PISD: variants seen among roughly 807,000 people sequenced by gnomAD.
PISD encodes the protein phosphatidylserine decarboxylase proenzyme, mitochondrial.
In PISD, 31 loss-of-function variants were observed where a neutral mutation model predicts 43.5. That is an observed-to-expected ratio of 0.71 (90% CI 0.54 to 0.96). The LOEUF (loss-of-function observed/expected upper bound fraction) is 0.96, where lower values mean the gene tolerates loss of function less well. Among genes scored for constraint, PISD ranks in the 40% least tolerant of loss-of-function variants. The probability of loss-of-function intolerance (pLI) is 0.00; values close to 1 mark genes in which losing one functional copy is unlikely to be tolerated. For synonymous variants in PISD, 259 were observed against 228.7 expected (o/e 1.13, Z -1.20); for missense variants, 523 against 548.4 (o/e 0.95, Z 0.46).
chr22:31,627,288 C>A (rs572646092), intron 3 of PISD, among the ~76,000 whole-genome samples: 1 of 152,370 alleles, frequency 6.6e-6, no homozygotes, highest in East Asian at 1.9e-4. Flanking sequence ...CACCAGCAAA[C>A]AGATACACAC....
At position 31,618,555 on chromosome 22, in the gene PISD, TC is replaced by T; in HGVS notation, c.*1056del. The T allele has an allele frequency of 1.1e-6, 1 of 871,802 alleles. No homozygotes were observed. Among genetic ancestry groups the T allele is most frequent in the African/African-American group, 1.7e-5 (1 of 58,322 alleles). The allele number at this position is 871,802 out of a possible 1,614,324, so 54.0% of individuals were successfully genotyped here. A position where few individuals can be genotyped will look rare whatever the true frequency, so the allele number is the denominator to read the frequency against. ...TTAAATGAATTACTGTTCAGAAGTCTCCCACTTTTCATACAAAAATACTGTG... is the reference window on the plus strand; with the variant it reads ...TTAAATGAATTACTGTTCAGAAGTCTCCACTTTTCATACAAAAATACTGTG... On this transcript the variant is annotated 3_prime_UTR_variant, in exon 8 of 8. Coordinates refer to ENST00000439502, the MANE Select transcript of PISD (RefSeq NM_001326411.2).
rs1408485617 is a variant in PISD at position 31,620,319 on chromosome 22, TTCCC to T, written c.1005+230_1005+233del. Among the ~76,000 whole-genome samples the T allele has an allele frequency of 7.9e-5, 12 of 152,344 alleles. No homozygotes were observed. In the East Asian group the frequency reaches 2.1e-3, roughly 27 times the overall value. ...GCCAGGTGCCAGGCAAGGAGGTTAA[TTCCC>T]TCCATCTCTTCCAGCCACTTCCAGC... On this transcript the variant is annotated intron_variant, in intron 7 of 7. Transcript: ENST00000439502.
intron 1 of PISD, among the ~76,000 whole-genome samples, chr22:31,656,397 T>A (rs1252658023): frequency 6.6e-6 from 1 of 150,956 alleles, no homozygotes; most frequent in Non-Finnish European, 1.5e-5. Context: ...CTATGAGAAC[T>A]CCCAGCACGT....
At position 31,619,371 on chromosome 22, in the gene PISD, G is replaced by A. The variant is rs1167690833; in HGVS notation, c.*241C>T. The A allele has an allele frequency of 3.3e-6, 2 of 598,392 alleles. No individual in the cohort carries two copies. The highest frequency in any genetic ancestry group is 1.6e-5 in the South Asian group (1 of 63,156). The allele number at this position is 598,392 out of a possible 1,614,324, so 37.1% of individuals were successfully genotyped here. On this transcript the variant is annotated 3_prime_UTR_variant, in exon 8 of 8. Coordinates refer to ENST00000439502, the MANE Select transcript of PISD (RefSeq NM_001326411.2). ...AATGTGACTGAGATCATTCCAGCCTGCACTTTTTATTTGTAGGCAGAAGGA... is the reference window on the plus strand; with the variant it reads ...AATGTGACTGAGATCATTCCAGCCTACACTTTTTATTTGTAGGCAGAAGGA...
At chr22:31,623,628 A>G in intron 3 of PISD, 1 of 1,532,024 alleles carries the variant, frequency 6.5e-7, no homozygotes, top group Non-Finnish European at 8.8e-7. Flanking sequence ...CCTGCACCCC[A>G]ACCTCAGGCC....
At chr22:31,661,071 A>G (rs1226982102) in intron 1 of PISD, among the ~76,000 whole-genome samples, 1 of 152,128 alleles carries the variant, frequency 6.6e-6, no homozygotes, top group Admixed American at 6.6e-5. Context: ...GTTGACTCAT[A>G]CACAGCACGC....
Position 31,621,684 on chromosome 22 carries a change from G to T in PISD, c.523C>A (p.Pro175Thr), listed in dbSNP as rs143716966. The change falls in exon 4 of 8, where the codon CCG becomes ACG. Residue 175 changes from proline to threonine, a missense_variant. Physicochemically the swap from Pro to Thr is conservative, Grantham distance 38 (BLOSUM62 -1). Transcript: ENST00000439502. The part of the protein sequence containing the change: ...LSEFFRRKLK[P>T]QARPVCGLHS... ...AGGCCACAGACAGGCCGGGCCTGCG[G>T]CTTCAGCTTGCGCCGGAAGAACTCG... is the stretch of plus-strand genomic sequence containing the variant. 1.4e-4 allele frequency: 231 copies of T among 1,613,664 alleles called. No homozygotes were observed. The highest frequency in any genetic ancestry group is 1.8e-4 in the Non-Finnish European group (216 of 1,179,932).
In PISD at chr22:31,621,410, C is replaced by T. The variant is rs770424911; in HGVS notation, c.621G>A (p.Gln207=). 1.2e-6 allele frequency: 2 copies of T among 1,614,180 alleles called. No homozygotes were observed. Among genetic ancestry groups the T allele is most frequent in the South Asian group, 1.1e-5 (1 of 91,090 alleles). The part of the protein sequence containing the change: ...FGQVKNCEVE[Q]VKGVTYSLES... ...CCAGGGAGTAGGTGACCCCCTTTAC[C>T]TGCTCCACCTCACAGTTCTTCACCT... is the stretch of plus-strand genomic sequence containing the variant. Residue 207 remains glutamine, a synonymous_variant, in exon 5 of 8, where the codon CAG becomes CAA. Transcript: ENST00000439502.
At chr22:31,650,563 C>A in intron 2 of PISD, 136 bp downstream of exon 2, 2 of 499,978 alleles carry the variant, frequency 4.0e-6, no homozygotes, top group Non-Finnish European at 3.6e-6. Context: ...CCTAACGCTT[C>A]AGTGATAACT....
At chr22:31,629,249 G>A (rs2073071340) in intron 3 of PISD, 1 of 984,686 alleles carries the variant, frequency 1.0e-6, no homozygotes, top group Admixed American at 6.2e-5. Context: ...GTAGGTGCAT[G>A]TAGGTGGAAG....
At position 31,621,419 on chromosome 22, in the gene PISD, C is replaced by G. The variant is rs1210656200; in HGVS notation, c.612G>C (p.Glu204Asp). The change falls in exon 5 of 8, where the codon GAG becomes GAC. Residue 204 changes from glutamate to aspartate, a missense_variant. By Grantham distance (45) the Glu-to-Asp change is conservative (BLOSUM62 2). Coordinates refer to ENST00000439502, the MANE Select transcript of PISD (RefSeq NM_001326411.2). Reference sequence around the variant, plus strand: ...AGGTGACCCCCTTTACCTGCTCCACCTCACAGTTCTTCACCTGCCCAAAGT... The same window carrying G: ...AGGTGACCCCCTTTACCTGCTCCACGTCACAGTTCTTCACCTGCCCAAAGT... Reference protein sequence around the residue: ...ILNFGQVKNCEVEQVKGVTYS... With the variant: ...ILNFGQVKNCDVEQVKGVTYS... 6.2e-7 allele frequency: 1 copy of G among 1,614,038 alleles called. No homozygotes were observed. The highest frequency in any genetic ancestry group is 1.1e-5 in the South Asian group (1 of 91,088).
chr22:31,621,468 C>G lies in PISD; in HGVS notation c.563G>C (p.Ser188Thr). 1 of 1,614,142 alleles carries G rather than the reference C, an allele frequency of 6.2e-7. No individual in the cohort carries two copies. Among genetic ancestry groups the G allele is most frequent in the Non-Finnish European group, 8.5e-7 (1 of 1,180,026 alleles). ...RPVCGLHSVI[S>T]PSDGRILNFG... ...GTTGAGGATCCTTCCATCCGATGGG[C>G]TAATCTGGAAGGGCAGGAGAGGCTT... Residue 188 changes from serine to threonine, a missense_variant, in exon 5 of 8, where the codon AGC becomes ACC. Transcript: ENST00000439502.
intron 7 of PISD, among the ~76,000 whole-genome samples, chr22:31,620,168 G>C (rs1461064764): frequency 6.6e-6 from 1 of 152,222 alleles, no homozygotes; most frequent in Non-Finnish European, 1.5e-5. Context: ...GCCCCTGGGG[G>C]CAGGGTGGGC....
At chr22:31,662,330 A>G (rs1363632339), upstream of PISD, 3 of 988,472 alleles carry the variant, frequency 3.0e-6, no homozygotes, top group Non-Finnish European at 4.8e-6. Context: ...GGAGCCGACT[A>G]AGCTCCGCCC....
intron 3 of PISD, among the ~76,000 whole-genome samples, chr22:31,622,326 A>C (rs934133130): frequency 6.6e-6 from 1 of 152,170 alleles, no homozygotes; most frequent in Non-Finnish European, 1.5e-5. Flanking sequence ...CCAAAGGAGG[A>C]GGCTCCCAAG....
Position 31,620,546 on chromosome 22 carries a change from T to C in PISD, c.1005+7A>G, listed in dbSNP as rs767277589. On this transcript the variant is annotated splice_region_variant and intron_variant, in intron 7 of 7. Transcript: ENST00000439502. ...TTGGGCTTTGGCAGGGCCTAGATCC[T>C]GCTTACCCGGTCAAAGTAGATGCGA... The C allele has an allele frequency of 1.2e-6, 2 of 1,614,126 alleles. No homozygotes were observed. Among genetic ancestry groups the C allele is most frequent in the African/African-American group, 1.3e-5 (1 of 75,056 alleles).
chr22:31,637,849 T>C (rs925009893), intron 3 of PISD, among the ~76,000 whole-genome samples: 1 of 152,202 alleles, frequency 6.6e-6, no homozygotes, highest in Non-Finnish European at 1.5e-5. Flanking sequence ...CACTCCCTAA[T>C]GTCACGTCCT....
intron 3 of PISD, chr22:31,626,086 C>T (rs1189474884): frequency 2.9e-6 from 4 of 1,372,420 alleles, no homozygotes; most frequent in Non-Finnish European, 3.8e-6. Context: ...CAGTCCAGTG[C>T]AAAAGCCCCT....
chr22:31,620,016 C>T (rs1569479835), intron 7 of PISD, among the ~76,000 whole-genome samples, 180 bp from the exon 8 acceptor site: 1 of 152,210 alleles, frequency 6.6e-6, no homozygotes, highest in Non-Finnish European at 1.5e-5. Flanking sequence ...CCAGATCTCA[C>T]ACACAGCCTT....
Sources: gnomAD v4.1 joint callset for allele counts (sites outside exome capture counted in the v4.1 genomes callset) on GRCh38, gnomAD v4.1.1 for gene constraint, MANE v1.5 for transcripts, NCBI Gene and HGNC (gene_info 2026-07-23, HGNC 2026-07-21) for gene names.